WWC1: variants seen among roughly 807,000 people sequenced by gnomAD.
WWC1 encodes WW and C2 domain containing 1.
In WWC1, 55 loss-of-function variants were observed where a neutral mutation model predicts 138.4. The observed-to-expected ratio is 0.40, with a 90% CI of 0.32 to 0.50. WWC1 has a LOEUF of 0.50. Ranked by LOEUF, WWC1 falls within the 20% of genes least tolerant of loss-of-function variation. The pLI, the probability that WWC1 is intolerant of heterozygous loss-of-function variation, is 0.72. For missense variants in WWC1, 1,226 were observed against 1,420.4 expected (o/e 0.86, Z 2.20); for synonymous variants, 524 against 564.9 (o/e 0.93, Z 1.03).
intron 15 of WWC1, among the ~76,000 whole-genome samples, chr5:168,435,505 G>A (rs1782280260): frequency 6.6e-6 from 1 of 152,100 alleles, no homozygotes; most frequent in Admixed American, 6.5e-5. Flanking sequence ...TGACCTTCTG[G>A]GCTCAAGTGA....
chr5:168,392,828 G>A (rs1778604942), intron 3 of WWC1, among the ~76,000 whole-genome samples: 1 of 152,274 alleles, frequency 6.6e-6, no homozygotes, highest in South Asian at 2.1e-4. Context: ...GATATCCGAG[G>A]AAAGCCTCTA....
rs375234651 is a variant in WWC1, at chr5:168,330,078, C to T, written c.119+37807C>T. ...TGAGCCGAGATCGCACCACTGCACCCCAGCCTGGGTGACAGTGCGAGACCC... is the reference window on the plus strand; with the variant it reads ...TGAGCCGAGATCGCACCACTGCACCTCAGCCTGGGTGACAGTGCGAGACCC... On this transcript the variant is annotated intron_variant, in intron 1 of 22. Coordinates refer to ENST00000265293, the MANE Select transcript of WWC1 (RefSeq NM_015238.3). Among the ~76,000 whole-genome samples, 6 of 152,208 alleles carry T rather than the reference C, an allele frequency of 3.9e-5. No homozygotes were observed. The East Asian group carries it at 1.2e-3, about 29-fold the overall frequency.
At chr5:168,413,679 C>A (rs1780384314) in intron 8 of WWC1, among the ~76,000 whole-genome samples, 1 of 152,192 alleles carries the variant, frequency 6.6e-6, no homozygotes, top group South Asian at 2.1e-4. Flanking sequence ...CCTCTGACCC[C>A]AAATCCACAG....
intron 15 of WWC1, among the ~76,000 whole-genome samples, chr5:168,436,727 C>G (rs1449823851): frequency 6.6e-6 from 1 of 152,102 alleles, no homozygotes; most frequent in East Asian, 1.9e-4. Context: ...ACCCCATCCT[C>G]TTAGCTCCAC....
chr5:168,319,120 C>T (rs752522066), intron 1 of WWC1, among the ~76,000 whole-genome samples: 2 of 152,136 alleles, frequency 1.3e-5, no homozygotes, highest in South Asian at 4.1e-4. Context: ...TGTGAACATA[C>T]GTGTATAAAT....
intron 1 of WWC1, among the ~76,000 whole-genome samples, chr5:168,357,912 T>C (rs1446779252): frequency 6.6e-6 from 1 of 152,242 alleles, no homozygotes; most frequent in Non-Finnish European, 1.5e-5. Context: ...AATCAGTTAC[T>C]GTAGGCCTCT....
chr5:168,338,429 G>T (rs1426757858), intron 1 of WWC1, among the ~76,000 whole-genome samples: 23 of 150,620 alleles, frequency 1.5e-4, no homozygotes, highest in African/African-American at 5.4e-4. Flanking sequence ...TTTTTGGGGG[G>T]GGATTGAGTC....
At chr5:168,304,450 A>G (rs934327971) in intron 1 of WWC1, among the ~76,000 whole-genome samples, 2 of 152,218 alleles carry the variant, frequency 1.3e-5, no homozygotes, top group Admixed American at 1.3e-4. Flanking sequence ...CAGCCAGTGG[A>G]GGACCTTGGG....
intron 2 of WWC1, 33 bp from the exon 3 acceptor site, chr5:168,385,178 A>T (rs1473203986): frequency 1.2e-6 from 2 of 1,611,296 alleles, no homozygotes; most frequent in Non-Finnish European, 1.7e-6. Context: ...TATTTGTGAG[A>T]TGCTGACCTA....
chr5:168,309,075 G>A (rs1293092537), intron 1 of WWC1, among the ~76,000 whole-genome samples: 2 of 152,024 alleles, frequency 1.3e-5, no homozygotes, highest in Non-Finnish European at 2.9e-5. Flanking sequence ...GTGTCACCAG[G>A]GGCCACACAG....
At chr5:168,415,581 A>G (rs576012354) in intron 9 of WWC1, 11 of 152,274 alleles carry the variant, frequency 7.2e-5, no homozygotes, top group Admixed American at 3.9e-4. Context: ...TCATCAGCCA[A>G]TGTTTACTCA....
chr5:168,430,036 G>A, intron 13 of WWC1, 101 bp from the exon 14 acceptor site: 1 of 872,934 alleles, frequency 1.1e-6, no homozygotes. Flanking sequence ...ATAGGCCCCA[G>A]GGCAGCCAAC....
intron 3 of WWC1, among the ~76,000 whole-genome samples, chr5:168,388,242 C>G (rs1443188744): frequency 1.3e-5 from 2 of 151,938 alleles, no homozygotes; most frequent in African/African-American, 4.8e-5. Context: ...AAGAGCACAG[C>G]CAGACAAATC....
chr5:168,357,279 G>A (rs1430441080), intron 1 of WWC1, among the ~76,000 whole-genome samples: 1 of 145,168 alleles, frequency 6.9e-6, no homozygotes, highest in Non-Finnish European at 1.5e-5. Flanking sequence ...TTAAGATACT[G>A]TCTTTTTCTT....
chr5:168,462,314 A>G (rs995251235), intron 20 of WWC1, among the ~76,000 whole-genome samples: 17 of 152,148 alleles, frequency 1.1e-4, no homozygotes, highest in Non-Finnish European at 2.4e-4. Context: ...GAAAGTGGAC[A>G]TGGCCTCAGG....
chr5:168,298,926 A>G (rs569999833), intron 1 of WWC1, among the ~76,000 whole-genome samples: 1 of 152,296 alleles, frequency 6.6e-6, no homozygotes, highest in African/African-American at 2.4e-5. Flanking sequence ...TCTACTAAAA[A>G]TGCAAAATAT....
At chr5:168,358,783 CAT>C (rs60612991) in intron 1 of WWC1, among the ~76,000 whole-genome samples, 63 of 148,446 alleles carry the variant, frequency 4.2e-4, no homozygotes, top group African/African-American at 5.2e-4. Context: ...CTTTGACACG[CAT>C]ATATATATAT....
At chr5:168,337,382 C>T (rs1194045150) in intron 1 of WWC1, among the ~76,000 whole-genome samples, 2 of 152,254 alleles carry the variant, frequency 1.3e-5, no homozygotes, top group African/African-American at 2.4e-5. Flanking sequence ...CTTTCCTACA[C>T]CCCTCCCCCC....
intron 1 of WWC1, among the ~76,000 whole-genome samples, chr5:168,351,353 T>C (rs1022833418): frequency 6.6e-6 from 1 of 152,068 alleles, no homozygotes; most frequent in South Asian, 2.1e-4. Context: ...AGATCCAATG[T>C]TTTTTCCTGC....
Sources: gnomAD v4.1 joint callset for allele counts (sites outside exome capture counted in the v4.1 genomes callset) on GRCh38, gnomAD v4.1.1 for gene constraint, MANE v1.5 for transcripts, NCBI Gene and HGNC (gene_info 2026-07-23, HGNC 2026-07-21) for gene names.